Variants in LSAMP observed in about 807,000 individuals in gnomAD.
The protein encoded by LSAMP is limbic system-associated membrane protein.
A neutral mutation model predicts 38.6 loss-of-function variants in LSAMP; 7 were observed. That is an observed-to-expected ratio of 0.18 (90% CI 0.10 to 0.34). The LOEUF is 0.34. Among genes scored for constraint, LSAMP ranks in the 10% least tolerant of loss-of-function variants. LSAMP has a pLI of 1.00. For synonymous variants in LSAMP, 154 were observed against 166.8 expected, an observed-to-expected ratio of 0.92 and a Z score of 0.59; for missense variants, 313 against 420.0, an observed-to-expected ratio of 0.75 and a Z score of 2.23.
chr3:116,227,453 C>A (rs1296988121), intron 1 of LSAMP, among the ~76,000 whole-genome samples: 1 of 152,162 alleles, frequency 6.6e-6, no homozygotes, highest in Non-Finnish European at 1.5e-5. Context: ...TAGCACAATA[C>A]CAAATACGAA....
chr3:116,435,043 A>C (rs1342744012), intron 1 of LSAMP, among the ~76,000 whole-genome samples: 1 of 152,198 alleles, frequency 6.6e-6, no homozygotes, highest in Admixed American at 6.5e-5. Context: ...GCACTAGTTC[A>C]GTTCTTACTT....
intron 1 of LSAMP, among the ~76,000 whole-genome samples, chr3:116,229,949 A>G (rs2046384728): frequency 6.6e-6 from 1 of 152,180 alleles, no homozygotes; most frequent in Admixed American, 6.5e-5. Context: ...AAGATTATAC[A>G]TTTGGCATTT....
intron 1 of LSAMP, among the ~76,000 whole-genome samples, chr3:116,265,961 T>TA (rs2046886464): frequency 6.6e-6 from 1 of 151,882 alleles, no homozygotes; most frequent in Non-Finnish European, 1.5e-5. Context: ...TGTGGGGTTT[T>TA]TTTTTCCCCT....
chr3:115,850,172 A>G (rs764007431), intron 4 of LSAMP, among the ~76,000 whole-genome samples: 1 of 152,126 alleles, frequency 6.6e-6, no homozygotes, highest in Non-Finnish European at 1.5e-5. Context: ...AATTATAAGT[A>G]TTTTCTTCTG....
chr3:116,323,156 T>C (rs1418448695), intron 1 of LSAMP, among the ~76,000 whole-genome samples: 1 of 152,122 alleles, frequency 6.6e-6, no homozygotes, highest in Non-Finnish European at 1.5e-5. Flanking sequence ...CAGAGCAAGG[T>C]TGCAGAAAGA....
At chr3:116,266,752 A>G (rs1218174761) in intron 1 of LSAMP, among the ~76,000 whole-genome samples, 3 of 152,166 alleles carry the variant, frequency 2.0e-5, no homozygotes, top group African/African-American at 7.2e-5. Flanking sequence ...AAAAGATGAC[A>G]CAGGAAGAGA....
intron 1 of LSAMP, among the ~76,000 whole-genome samples, chr3:116,110,276 C>G (rs1246601032): frequency 6.6e-6 from 1 of 151,936 alleles, no homozygotes; most frequent in Non-Finnish European, 1.5e-5. Context: ...CCCAGAAAAG[C>G]AGAGAAGGGG....
chr3:116,276,694 A>C (rs1405887611), intron 1 of LSAMP, among the ~76,000 whole-genome samples: 1 of 152,030 alleles, frequency 6.6e-6, no homozygotes, highest in Non-Finnish European at 1.5e-5. Flanking sequence ...GAAAAAAAAA[A>C]AAAGAAAACA....
intron 3 of LSAMP, among the ~76,000 whole-genome samples, chr3:115,875,546 C>T (rs182444670): frequency 6.6e-6 from 1 of 152,138 alleles, no homozygotes; most frequent in East Asian, 1.9e-4. Flanking sequence ...AATGATGACT[C>T]CTTAATGATG....
intron 1 of LSAMP, among the ~76,000 whole-genome samples, chr3:116,307,440 C>T (rs1257243740): frequency 6.6e-6 from 1 of 151,970 alleles, no homozygotes; most frequent in Non-Finnish European, 1.5e-5. Context: ...GGTTGTTCAA[C>T]ATGCTGGGTA....
In LSAMP at chr3:116,204,951, A is replaced by G. The variant is rs1415718219; in HGVS notation, c.156-118395T>C. Among the ~76,000 whole-genome samples the G allele has an allele frequency of 1.1e-4, 16 of 144,982 alleles. 1 individual carries two copies. The East Asian group carries it at 3.1e-3, about 28-fold the overall frequency. On this transcript the variant is annotated intron_variant, in intron 1 of 6. Coordinates refer to ENST00000490035, the MANE Select transcript of LSAMP (RefSeq NM_002338.5). Reference sequence around the variant, plus strand: ...CAATTCTGTGAAGAAAGTCATTGGTAGCTTTATGGGGATGGCATTGAATCT... The same window carrying G: ...CAATTCTGTGAAGAAAGTCATTGGTGGCTTTATGGGGATGGCATTGAATCT...
intron 1 of LSAMP, among the ~76,000 whole-genome samples, chr3:116,320,446 T>C (rs1198413387): frequency 1.3e-5 from 2 of 151,864 alleles, no homozygotes; most frequent in African/African-American, 4.8e-5. Flanking sequence ...ATAATAATAA[T>C]ACCAGTTAAA....
chr3:116,136,374 C>T (rs1287969506), intron 1 of LSAMP, among the ~76,000 whole-genome samples: 2 of 152,034 alleles, frequency 1.3e-5, no homozygotes, highest in African/African-American at 4.8e-5. Flanking sequence ...CACATGCACC[C>T]ACACACATGT....
chr3:116,327,031 G>A (rs1444670022), intron 1 of LSAMP, among the ~76,000 whole-genome samples: 1 of 152,150 alleles, frequency 6.6e-6, no homozygotes, highest in Non-Finnish European at 1.5e-5. Context: ...CAAACTTCCA[G>A]TTAGGTTTTT....
chr3:115,876,230 T>C (rs1936175458), intron 3 of LSAMP, among the ~76,000 whole-genome samples: 1 of 150,426 alleles, frequency 6.6e-6, no homozygotes, highest in African/African-American at 2.4e-5. Flanking sequence ...CCTCATTCAC[T>C]TTTGCTAAAA....
chr3:116,372,222 T>C (rs1459306387), intron 1 of LSAMP, among the ~76,000 whole-genome samples: 1 of 151,948 alleles, frequency 6.6e-6, no homozygotes, highest in Non-Finnish European at 1.5e-5. Context: ...TAAAGACATA[T>C]ATAGGCCAAT....
Position 115,981,746 on chromosome 3 carries a change from T to TAAC in LSAMP, c.514+37766_514+37768dup, listed in dbSNP as rs541371738. Among the ~76,000 whole-genome samples, 115 of 152,304 alleles carry TAAC rather than the reference T, an allele frequency of 7.6e-4. 5 individuals carry two copies. The South Asian group carries it at 0.023, about 31-fold the overall frequency. ...AGACCTGATTTCTGAGAGCATTATTTAACAACAACAACAAAAAACAACCAA... is the reference window on the plus strand; with the variant it reads ...AGACCTGATTTCTGAGAGCATTATTTAACAACAACAACAACAAAAAACAACCAA... On this transcript the variant is annotated intron_variant, in intron 3 of 6. Transcript: ENST00000490035.
At chr3:115,953,602 T>A (rs6438292) in intron 3 of LSAMP, among the ~76,000 whole-genome samples, 117,525 of 152,048 alleles carry the variant, frequency 0.77, 48,688 homozygotes, top group East Asian at 0.98. Flanking sequence ...ACCAGGAGAG[T>A]TGCTGCCATT....
In LSAMP at chr3:116,397,114, T is replaced by C. The variant is rs79273537; in HGVS notation, c.155+47763A>G. ...CACTCCTCTTCCCAAATGGCACTTA[T>C]GGCTTCCCATTTCAGAGTAATTGTA... On this transcript the variant is annotated intron_variant, in intron 1 of 6. Transcript: ENST00000490035. 3.5e-3 allele frequency among the ~76,000 whole-genome samples: 540 copies of C among 152,284 alleles called. 1 individual carries two copies. The highest frequency in any genetic ancestry group is 0.012 in the African/African-American group (502 of 41,550).
Sources: allele counts gnomAD v4.1 joint callset (sites outside exome capture counted in the v4.1 genomes callset), GRCh38; gene constraint gnomAD v4.1.1; transcripts MANE v1.5; gene names NCBI Gene and HGNC (gene_info 2026-07-23, HGNC 2026-07-21).